CLVS2: variants seen among roughly 807,000 people sequenced by gnomAD.
The protein encoded by CLVS2 is clavesin-2.
Under a neutral mutation model 29.0 loss-of-function variants are expected in CLVS2, and 19 were observed. The ratio of observed to expected loss-of-function variants is 0.66; its 90% CI spans 0.46 to 0.96. CLVS2 has a LOEUF of 0.96. Ranked by LOEUF, CLVS2 falls within the 40% of genes least tolerant of loss-of-function variation. The pLI is 0.00. For missense variants in CLVS2, 294 were observed against 404.1 expected (o/e 0.73, Z 2.34); for synonymous variants, 161 against 151.3 (o/e 1.06, Z -0.47).
Position 123,019,550 on chromosome 6 carries a change from AC to A in CLVS2, c.564+8392del, listed in dbSNP as rs375079344. Among the ~76,000 whole-genome samples the A allele has an allele frequency of 7.9e-5, 12 of 152,138 alleles. No individual in the cohort carries two copies. In the East Asian group the frequency reaches 2.3e-3, roughly 30 times the overall value. On this transcript the variant is annotated intron_variant, in intron 3 of 5. Transcript: ENST00000275162. ...GCTATATCTCTATAACAAATGCAATACACCTGTGATTCTATCAATTCTACTC... is the reference window on the plus strand; with the variant it reads ...GCTATATCTCTATAACAAATGCAATAACCTGTGATTCTATCAATTCTACTC...
chr6:123,006,162 G>A (rs987837931), intron 2 of CLVS2, among the ~76,000 whole-genome samples: 1 of 152,204 alleles, frequency 6.6e-6, no homozygotes, highest in African/African-American at 2.4e-5. Flanking sequence ...GAAAGCTGGT[G>A]GCGGGCCCAG....
chr6:123,063,335 A>T (rs1772806226), intron 5 of CLVS2, among the ~76,000 whole-genome samples: 1 of 151,996 alleles, frequency 6.6e-6, no homozygotes, highest in Admixed American at 6.6e-5. Flanking sequence ...GAGATGTTTT[A>T]TTGGAAAACA....
chr6:123,044,645 T>C (rs1034184054), intron 3 of CLVS2, among the ~76,000 whole-genome samples: 1 of 152,164 alleles, frequency 6.6e-6, no homozygotes, highest in African/African-American at 2.4e-5. Context: ...CAGTCAATTA[T>C]GCATTCATCT....
intron 5 of CLVS2, among the ~76,000 whole-genome samples, chr6:123,058,414 A>G (rs1296126994): frequency 1.3e-5 from 2 of 152,114 alleles, no homozygotes; most frequent in Non-Finnish European, 1.5e-5. Flanking sequence ...TTCTTCAGCC[A>G]TTCTGCCTGA....
intron 4 of CLVS2, among the ~76,000 whole-genome samples, chr6:123,049,810 G>A (rs56164155): frequency 1.5e-5 from 2 of 131,720 alleles, no homozygotes; most frequent in African/African-American, 8.1e-5. Context: ...GGGATGGGGG[G>A]CGGGGAGGAA....
At position 123,068,185 on chromosome 6, in the gene CLVS2, T is replaced by C. The variant is rs957281448; in HGVS notation, c.*4424T>C. The C allele has an allele frequency of 6.6e-6, 1 of 151,348 alleles. No individual in the cohort carries two copies. The highest frequency in any genetic ancestry group is 2.4e-5 in the African/African-American group (1 of 41,288). 9.4% of individuals were successfully genotyped at this position (151,348 alleles called of 1,614,324 possible). A position where few individuals can be genotyped will look rare whatever the true frequency, so the allele number is the denominator to read the frequency against. On this transcript the variant is annotated 3_prime_UTR_variant, in exon 6 of 6. Transcript: ENST00000275162. The stretch of plus-strand genomic sequence containing the variant: ...GTGGATTGAAACACTCAAATTAGCC[T>C]TTTTTTCAAGGAAGCAGGTGTACAA...
chr6:123,004,619 A>G (rs1774636343), intron 2 of CLVS2, among the ~76,000 whole-genome samples: 1 of 152,190 alleles, frequency 6.6e-6, no homozygotes, highest in Admixed American at 6.5e-5. Context: ...GCTACCATGA[A>G]AAAGCAGACC....
intron 4 of CLVS2, among the ~76,000 whole-genome samples, chr6:123,053,782 A>G (rs1470687451): frequency 1.3e-5 from 2 of 152,158 alleles, no homozygotes; most frequent in East Asian, 3.9e-4. Flanking sequence ...CTGATGGGAA[A>G]GATCCAGCAG....
chr6:123,029,665 T>TTTTG (rs906408639), intron 3 of CLVS2, among the ~76,000 whole-genome samples: 2 of 152,108 alleles, frequency 1.3e-5, no homozygotes, highest in Non-Finnish European at 2.9e-5. Context: ...TGTTTGTTTG[T>TTTTG]TTTGTTTGTT....
At chr6:123,053,850 G>T (rs942790330) in intron 4 of CLVS2, among the ~76,000 whole-genome samples, 1 of 152,128 alleles carries the variant, frequency 6.6e-6, no homozygotes, top group African/African-American at 2.4e-5. Flanking sequence ...AAATACAACC[G>T]AGTAGGGGAG....
intron 3 of CLVS2, among the ~76,000 whole-genome samples, chr6:123,041,589 C>G (rs542089319): frequency 8.5e-5 from 13 of 152,114 alleles, no homozygotes; most frequent in Admixed American, 8.5e-4. Flanking sequence ...AGAGATTTTC[C>G]AGGAGTCACA....
chr6:123,016,990 G>A (rs1172773110), intron 3 of CLVS2, among the ~76,000 whole-genome samples: 2 of 152,090 alleles, frequency 1.3e-5, no homozygotes, highest in African/African-American at 4.8e-5. Context: ...AGGCTGGGGC[G>A]TGAGGAGCTC....
intron 3 of CLVS2, among the ~76,000 whole-genome samples, chr6:123,030,883 A>T (rs982854332): frequency 6.8e-6 from 1 of 147,974 alleles, no homozygotes; most frequent in African/African-American, 2.5e-5. Flanking sequence ...TATATTTTCA[A>T]ATATATATAT....
rs927567116 is a variant in CLVS2, at chr6:123,069,009, A to T, written c.*5248A>T. 1 of 151,726 alleles carries T rather than the reference A, an allele frequency of 6.6e-6. No homozygotes were observed. The highest frequency in any genetic ancestry group is 2.4e-5 in the African/African-American group (1 of 41,388). 9.4% of individuals were successfully genotyped at this position (151,726 alleles called of 1,614,324 possible). ...AAATTAGCAATATTTTTATTTTGAG[A>T]GAAATTGTGCTTAGCTATTTAAGTT... On this transcript the variant is annotated 3_prime_UTR_variant, in exon 6 of 6. Transcript: ENST00000275162.
rs1772924625 is a variant in CLVS2, at chr6:123,070,376, G to T, written c.*6615G>T. On this transcript the variant is annotated 3_prime_UTR_variant, in exon 6 of 6. Coordinates refer to ENST00000275162, the MANE Select transcript of CLVS2 (RefSeq NM_001010852.4). Reference sequence around the variant, plus strand: ...ATCACATCAGCTAGCTCATGCTGTTGGGTCTTCAAAATATATCCACACTCT... The same window carrying T: ...ATCACATCAGCTAGCTCATGCTGTTTGGTCTTCAAAATATATCCACACTCT... The T allele has an allele frequency of 6.6e-6, 1 of 151,660 alleles. No homozygotes were observed. Among genetic ancestry groups the T allele is most frequent in the Non-Finnish European group, 1.5e-5 (1 of 67,798 alleles). 9.4% of individuals were successfully genotyped at this position (151,660 alleles called of 1,614,324 possible). A position where few individuals can be genotyped will look rare whatever the true frequency, so the allele number is the denominator to read the frequency against.
At chr6:123,020,249 T>C (rs1774900410) in intron 3 of CLVS2, among the ~76,000 whole-genome samples, 1 of 152,022 alleles carries the variant, frequency 6.6e-6, no homozygotes, top group Non-Finnish European at 1.5e-5. Flanking sequence ...GAGTTTGCAT[T>C]ATACTTACCA....
chr6:122,999,810 A>G (rs1203979954), intron 2 of CLVS2, among the ~76,000 whole-genome samples: 2 of 152,212 alleles, frequency 1.3e-5, no homozygotes, highest in South Asian at 2.1e-4. Flanking sequence ...GGCAGATTGC[A>G]TTCAGAGAGG....
chr6:123,063,653 C>A lies in CLVS2; in HGVS notation c.897-21C>A, dbSNP rs547737069. The A allele has an allele frequency of 6.3e-6, 9 of 1,435,404 alleles. No homozygotes were observed. The Admixed American group carries it at 1.2e-4, about 19-fold the overall frequency. The allele number at this position is 1,435,404 out of a possible 1,614,324, so 88.9% of individuals were successfully genotyped here. On this transcript the variant is annotated intron_variant, in intron 5 of 5. Coordinates refer to ENST00000275162, the MANE Select transcript of CLVS2 (RefSeq NM_001010852.4). ...CAATTACCTGGTAATAACTCACTGA[C>A]GTTGGCTTTATCCTTTCCAGATCTC...
In CLVS2 at chr6:123,063,669, T is replaced by G; in HGVS notation, c.897-5T>G. On this transcript the variant is annotated splice_polypyrimidine_tract_variant and splice_region_variant and intron_variant, in intron 5 of 5. Coordinates refer to ENST00000275162, the MANE Select transcript of CLVS2 (RefSeq NM_001010852.4). The stretch of plus-strand genomic sequence containing the variant: ...ACTCACTGACGTTGGCTTTATCCTT[T>G]CCAGATCTCAATCAGTAGTGGATCC... 6.3e-7 allele frequency: 1 copy of G among 1,591,032 alleles called. No homozygotes were observed. Among genetic ancestry groups the G allele is most frequent in the Non-Finnish European group, 8.6e-7 (1 of 1,161,386 alleles).
Sources: gnomAD v4.1 joint callset for allele counts (sites outside exome capture counted in the v4.1 genomes callset) on GRCh38, gnomAD v4.1.1 for gene constraint, MANE v1.5 for transcripts, NCBI Gene and HGNC (gene_info 2026-07-23, HGNC 2026-07-21) for gene names.